CAPN15: variants seen among roughly 807,000 people sequenced by gnomAD.
CAPN15 encodes the protein calpain-15.
In CAPN15, 53 loss-of-function variants were observed where a neutral mutation model predicts 97.9. The observed-to-expected ratio is 0.54, with a 90% CI of 0.43 to 0.68. CAPN15 has a LOEUF of 0.68. Ranked by LOEUF, CAPN15 falls within the 30% of genes least tolerant of loss-of-function variation. The pLI is 0.00. For missense variants in CAPN15, 1,592 were observed against 1,589.8 expected (o/e 1.00, Z -0.02); for synonymous variants, 922 against 722.5 (o/e 1.28, Z -4.43).
chr16:538,219 G>C (rs2033867080), intron 3 of CAPN15: 1 of 152,280 alleles, frequency 6.6e-6, no homozygotes, highest in South Asian at 2.1e-4. Flanking sequence ...AGCGCCTGCA[G>C]GCGAGTGAGC....
chr16:543,577 C>T (rs946642093), intron 3 of CAPN15, among the ~76,000 whole-genome samples: 5 of 152,164 alleles, frequency 3.3e-5, no homozygotes, highest in Admixed American at 1.3e-4. Context: ...TGCCCGTGCC[C>T]GCTGCTGTGG....
rs201691253 is a variant in CAPN15, at chr16:552,086, C to T, written c.2381C>T (p.Ser794Leu). The change falls in exon 10 of 14, where the codon TCG becomes TTG. Residue 794 changes from serine (S) to leucine (L), a missense_variant. Around this residue, in one of 3 missense-constraint regions of CAPN15, gnomAD observed 644 missense variants for 699.6 expected, o/e 0.92. Transcript: ENST00000219611. This position sits in a 1 kb window ranked among gnomAD's most constrained non-coding sequence, Gnocchi z 6.4. ...TCCGTGGACATCTGTAAGGTGCACT[C>T]GGACTGGCAGGAGGCGCGGGTGCAG... Reference protein sequence around the residue: ...FDSVDICKVHSDWQEARVQGC... With the variant: ...FDSVDICKVHLDWQEARVQGC... The T allele has an allele frequency of 1.6e-4, 247 of 1,549,278 alleles. No homozygotes were observed. Among genetic ancestry groups the T allele is most frequent in the Non-Finnish European group, 1.9e-4 (222 of 1,146,976 alleles).
chr16:546,710 C>T (rs1384405604), intron 3 of CAPN15, 107 bp from the exon 4 acceptor site: 30 of 1,399,564 alleles, frequency 2.1e-5, no homozygotes, highest in East Asian at 1.8e-4. Flanking sequence ...CCCTCGGCCC[C>T]GTAGCTCTGC....
intron 1 of CAPN15, among the ~76,000 whole-genome samples, chr16:530,919 C>T (rs1178300468): frequency 6.6e-6 from 1 of 152,238 alleles, no homozygotes; most frequent in African/African-American, 2.4e-5. Flanking sequence ...CCATGAGTCC[C>T]GTCGGGTCAT....
At chr16:534,254 ACCTCCC>A (rs2033535147) in intron 2 of CAPN15, among the ~76,000 whole-genome samples, 1 of 151,992 alleles carries the variant, frequency 6.6e-6, no homozygotes, top group African/African-American at 2.4e-5. Context: ...CCCTTTGGGG[ACCTCCC>A]CTGTGCTGTG....
intron 3 of CAPN15, among the ~76,000 whole-genome samples, chr16:542,052 T>C (rs2142002531): frequency 6.6e-6 from 1 of 151,086 alleles, no homozygotes; most frequent in East Asian, 1.9e-4. Flanking sequence ...GTGCAGAAGG[T>C]GCGTGGACGT....
At position 536,068 on chromosome 16, in the gene CAPN15, G is replaced by T. The variant is rs1338335684; in HGVS notation, c.-97G>T. The T allele has an allele frequency of 2.1e-6, 2 of 967,218 alleles. No individual in the cohort carries two copies. The highest frequency in any genetic ancestry group is 3.9e-5 in the African/African-American group (2 of 51,150). 59.9% of individuals were successfully genotyped at this position (967,218 alleles called of 1,614,324 possible). On this transcript the variant is annotated 5_prime_UTR_variant, in exon 3 of 14. Transcript: ENST00000219611. ...TGGGAACCACGGACTGACCTGACCT[G>T]CGTCCTCGGGGCCACTGCACTGGGT...
At position 552,326 on chromosome 16, in the gene CAPN15, C is replaced by T; in HGVS notation, c.2533C>T (p.Leu845=). The T allele has an allele frequency of 5.7e-6, 9 of 1,579,796 alleles. No homozygotes were observed. Among genetic ancestry groups the T allele is most frequent in the Non-Finnish European group, 6.8e-6 (8 of 1,168,350 alleles). ...SRRSDAVDSH[L]LDLCILVFRA... ...GCGCTCGGACGCCGTGGACAGCCAC[C>T]TGCTGGACCTGTGCATCCTGGTGTT... The change falls in exon 11 of 14, where the codon CTG becomes TTG. Residue 845 remains leucine, a synonymous_variant. Transcript: ENST00000219611. This position sits in a 1 kb window ranked among gnomAD's most constrained non-coding sequence, Gnocchi z 6.4.
rs1380836583 is a variant in CAPN15, at chr16:552,665, C to T, written c.2798C>T (p.Ala933Val). 1.3e-6 allele frequency: 2 copies of T among 1,543,176 alleles called. No homozygotes were observed. The highest frequency in any genetic ancestry group is 1.7e-6 in the Non-Finnish European group (2 of 1,145,830). Reference sequence around the variant, plus strand: ...CCAGAGCCGCCGGGCCACGTGCTGGCTGTGTACAGCTCGAGGCTGGTCATG... The same window carrying T: ...CCAGAGCCGCCGGGCCACGTGCTGGTTGTGTACAGCTCGAGGCTGGTCATG... Reference protein sequence around the residue: ...ASPEPPGHVLAVYSSRLVMVE... With the variant: ...ASPEPPGHVLVVYSSRLVMVE... The change falls in exon 12 of 14, where the codon GCT (alanine) becomes GTT (valine). Residue 933 changes from alanine (A) to valine (V), a missense_variant. This residue lies in a region of CAPN15 where 644 missense variants were observed against 699.6 expected (regional missense o/e 0.92). Coordinates refer to ENST00000219611, the MANE Select transcript of CAPN15 (RefSeq NM_005632.3). This position sits in a 1 kb window ranked among gnomAD's most constrained non-coding sequence, Gnocchi z 6.4.
Position 553,486 on chromosome 16 carries a change from C to T in CAPN15, c.3231C>T (p.Val1077=), listed in dbSNP as rs374037837. 7.0e-5 allele frequency: 112 copies of T among 1,610,298 alleles called. No homozygotes were observed. The highest frequency in any genetic ancestry group is 1.6e-4 in the East Asian group (7 of 44,662). ...GTHSPPLTPE[V]AGLHGPRPL The stretch of plus-strand genomic sequence containing the variant: ...ACAGCCCCCCACTCACGCCAGAGGT[C>T]GCCGGTCTGCATGGGCCCCGACCGC... Residue 1077 remains valine, a synonymous_variant, in exon 14 of 14, where the codon GTC becomes GTT. Coordinates refer to ENST00000219611, the MANE Select transcript of CAPN15 (RefSeq NM_005632.3).
rs1321085782 is a variant in CAPN15, at chr16:551,689, C to T, written c.2345+25C>T. The T allele has an allele frequency of 1.9e-6, 3 of 1,580,518 alleles. No individual in the cohort carries two copies. In the African/African-American group the frequency reaches 4.0e-5, roughly 21 times the overall value. On this transcript the variant is annotated intron_variant, in intron 9 of 13. Transcript: ENST00000219611. Reference sequence around the variant, plus strand: ...GGTATCGGCACCGTGGGGCGGTGTGCACGCCGCCCCCGCCCTCCTAGGGCC... The same window carrying T: ...GGTATCGGCACCGTGGGGCGGTGTGTACGCCGCCCCCGCCCTCCTAGGGCC...
intron 3 of CAPN15, among the ~76,000 whole-genome samples, chr16:541,582 C>T (rs1043539364): frequency 3.9e-5 from 6 of 152,228 alleles, no homozygotes; most frequent in Admixed American, 2.0e-4. Flanking sequence ...AGCATCTCCA[C>T]GTGTGCCGAC....
At chr16:551,126 T>C (rs1407297431) in intron 7 of CAPN15, among the ~76,000 whole-genome samples, 176 bp from the exon 8 acceptor site, 2 of 40,076 alleles carry the variant, frequency 5.0e-5, no homozygotes, top group African/African-American at 1.4e-4. Flanking sequence ...TGAGGGCCCC[T>C]GTTGGTGAGG....
At chr16:550,373 C>T (rs995820877) in intron 7 of CAPN15, among the ~76,000 whole-genome samples, 1 of 152,238 alleles carries the variant, frequency 6.6e-6, no homozygotes, top group Non-Finnish European at 1.5e-5. Flanking sequence ...CTCCAGGGGA[C>T]CCAGGCCTGC....
At chr16:551,781 C>A in intron 9 of CAPN15, 117 bp downstream of exon 9, 1 of 1,312,002 alleles carries the variant, frequency 7.6e-7, no homozygotes, top group Non-Finnish European at 1.1e-6. Context: ...TGTTCGTGGC[C>A]CAAATGGGAC....
intron 2 of CAPN15, among the ~76,000 whole-genome samples, chr16:534,834 G>C (rs1322430708): frequency 4.6e-5 from 7 of 152,218 alleles, no homozygotes; most frequent in Admixed American, 4.6e-4. Context: ...GGTGACACCG[G>C]GGCATCCTTG....
intron 1 of CAPN15, among the ~76,000 whole-genome samples, chr16:529,668 C>T (rs988174987): frequency 4.6e-5 from 7 of 152,118 alleles, no homozygotes; most frequent in Non-Finnish European, 8.8e-5. Flanking sequence ...CTCTGGCCCG[C>T]GGTGTGATGC....
Position 553,023 on chromosome 16 carries a change from G to A in CAPN15, c.3065G>A (p.Ser1022Asn). 1 of 1,597,940 alleles carries A rather than the reference G, an allele frequency of 6.3e-7. No individual in the cohort carries two copies. The highest frequency in any genetic ancestry group is 8.5e-7 in the Non-Finnish European group (1 of 1,172,482). The change falls in exon 13 of 14, where the codon AGC becomes AAC. Residue 1022 changes from serine (S) to asparagine (N), a missense_variant. By Grantham distance (46) the Ser-to-Asn change is conservative. Around this residue, in one of 3 missense-constraint regions of CAPN15, gnomAD observed 644 missense variants for 699.6 expected, o/e 0.92. Coordinates refer to ENST00000219611, the MANE Select transcript of CAPN15 (RefSeq NM_005632.3). ...STRGSLRTQD[S>N]VPPLHRQVLV... is the part of the protein sequence containing the mutation. ...CGCGGCAGCCTGCGTACCCAGGATA[G>A]CGTGCCACCCCTGCACAGGTGCGCC...
At chr16:549,555 C>T (rs1466643911) in intron 6 of CAPN15, 60 bp from the exon 7 acceptor site, 21 of 1,497,532 alleles carry the variant, frequency 1.4e-5, no homozygotes, top group Non-Finnish European at 1.8e-5. Context: ...GCTTCCTCTT[C>T]TCCCAGGGCG....
Sources: allele counts gnomAD v4.1 joint callset (sites outside exome capture counted in the v4.1 genomes callset), GRCh38; gene constraint gnomAD v4.1.1; regional missense constraint gnomAD v4.1.1; non-coding constraint Gnocchi (gnomAD v3.1); transcripts MANE v1.5; gene names NCBI Gene and HGNC (gene_info 2026-07-23, HGNC 2026-07-21).